Variants in ZDHHC4 observed in about 807,000 individuals in gnomAD.
ZDHHC4 encodes zDHHC palmitoyltransferase 4.
ZDHHC4 carries 42 observed loss-of-function variants against 36.7 expected under a neutral mutation model. The observed-to-expected ratio is 1.14, with a 90% CI of 0.89 to 1.48. The LOEUF (loss-of-function observed/expected upper bound fraction) is 1.48, where lower values mean the gene tolerates loss of function less well. Ranked by LOEUF, ZDHHC4 falls within the 40% of genes most tolerant of loss-of-function variation. The pLI is 0.00. For synonymous variants in ZDHHC4, 189 were observed against 166.6 expected, an observed-to-expected ratio of 1.13 and a Z score of -1.03; for missense variants, 457 against 421.5, an observed-to-expected ratio of 1.08 and a Z score of -0.74.
chr7:6,589,030 C>T lies in ZDHHC4; in HGVS notation c.*120C>T. On this transcript the variant is annotated 3_prime_UTR_variant, in exon 8 of 8. Coordinates refer to ENST00000335965, the MANE Select transcript of ZDHHC4 (RefSeq NM_001134389.2). ...GTGCTTATAAATCACTTTCGGTGGGCAAGGGAGAGAGGGGAAAATGGGTGT... is the reference window on the plus strand; with the variant it reads ...GTGCTTATAAATCACTTTCGGTGGGTAAGGGAGAGAGGGGAAAATGGGTGT... 7.6e-7 allele frequency: 1 copy of T among 1,318,950 alleles called. No individual in the cohort carries two copies. The highest frequency in any genetic ancestry group is 1.5e-5 in the African/African-American group (1 of 68,060). 81.7% of individuals were successfully genotyped at this position (1,318,950 alleles called of 1,614,324 possible).
intron 4 of ZDHHC4, 115 bp from the exon 5 acceptor site, chr7:6,581,958 C>A (rs1780881490): frequency 1.9e-6 from 2 of 1,043,082 alleles, no homozygotes; most frequent in Non-Finnish European, 2.8e-6. Context: ...CTATGTAATT[C>A]TTACTATTAT....
chr7:6,588,569 G>T (rs772662640), intron 7 of ZDHHC4, 48 bp from the exon 8 acceptor site: 2 of 1,588,544 alleles, frequency 1.3e-6, no homozygotes, highest in Admixed American at 3.4e-5. Flanking sequence ...CACTCTCATG[G>T]ATGTCACAGT....
chr7:6,587,548 G>C (rs1010508215), intron 7 of ZDHHC4, among the ~76,000 whole-genome samples: 1 of 152,166 alleles, frequency 6.6e-6, no homozygotes, highest in Non-Finnish European at 1.5e-5. Flanking sequence ...TACGGAGTCA[G>C]TTTTGTTTTT....
At chr7:6,587,705 C>T (rs951265368) in intron 7 of ZDHHC4, among the ~76,000 whole-genome samples, 1 of 152,152 alleles carries the variant, frequency 6.6e-6, no homozygotes, top group Non-Finnish European at 1.5e-5. Context: ...AGAGTTTACC[C>T]TTCCTGACGG....
chr7:6,587,334 T>C (rs955337272), intron 7 of ZDHHC4, among the ~76,000 whole-genome samples: 1 of 152,200 alleles, frequency 6.6e-6, no homozygotes, highest in Admixed American at 6.6e-5. Flanking sequence ...TTTTTTGGTA[T>C]AGAAAAGTTC....
Position 6,581,663 on chromosome 7 carries a change from T to C in ZDHHC4, c.174T>C (p.His58=). The C allele has an allele frequency of 1.2e-6, 2 of 1,608,922 alleles. No individual in the cohort carries two copies. The part of the protein sequence containing the change: ...CLQRAVHGLL[H]YLFHTRNHTF... ...AGAGAGCCGTGCATGGATTGCTTCATTACCTTTTCCATACGAGGTATTTCT... is the reference window on the plus strand; with the variant it reads ...AGAGAGCCGTGCATGGATTGCTTCACTACCTTTTCCATACGAGGTATTTCT... The change falls in exon 4 of 8, where the codon CAT becomes CAC. Residue 58 remains histidine, a synonymous_variant. Coordinates refer to ENST00000335965, the MANE Select transcript of ZDHHC4 (RefSeq NM_001134389.2).
Position 6,588,598 on chromosome 7 carries a change from A to G in ZDHHC4, c.742-19A>G. ...TCACAGTCCAGCTGCCTAAAGCACT[A>G]CCTTTTCTCTGCTCCTAGTACCTGT... is the stretch of plus-strand genomic sequence containing the variant. On this transcript the variant is annotated intron_variant, in intron 7 of 7. Transcript: ENST00000335965. 1 of 1,612,172 alleles carries G rather than the reference A, an allele frequency of 6.2e-7. No homozygotes were observed. The highest frequency in any genetic ancestry group is 8.5e-7 in the Non-Finnish European group (1 of 1,178,878).
At chr7:6,583,217 A>G in intron 5 of ZDHHC4, 89 bp from the exon 6 acceptor site, 1 of 1,360,160 alleles carries the variant, frequency 7.4e-7, no homozygotes, top group Non-Finnish European at 1.0e-6. Flanking sequence ...TAAAGATAGC[A>G]GTTTCAGTTG....
Position 6,583,289 on chromosome 7 carries a change from G to A in ZDHHC4, c.371-17G>A. 6.2e-7 allele frequency: 1 copy of A among 1,612,916 alleles called. No homozygotes were observed. Among genetic ancestry groups the A allele is most frequent in the Non-Finnish European group, 8.5e-7 (1 of 1,179,452 alleles). On this transcript the variant is annotated splice_polypyrimidine_tract_variant and intron_variant, in intron 5 of 7. Transcript: ENST00000335965. The stretch of plus-strand genomic sequence containing the variant: ...AAAGTATTGCACGAAACTGACATAT[G>A]TCCTTACTTTTCCCAGGCATTATAA...
intron 7 of ZDHHC4, among the ~76,000 whole-genome samples, chr7:6,585,952 ACCAGCCTGG>A (rs997895102): frequency 1.9e-4 from 29 of 152,178 alleles, no homozygotes; most frequent in African/African-American, 7.0e-4. Flanking sequence ...GGAGTTCAAG[ACCAGCCTGG>A]CCAATGTGGT....
intron 6 of ZDHHC4, chr7:6,584,442 A>G (rs1350209973): frequency 1.3e-5 from 2 of 152,604 alleles, no homozygotes; most frequent in Middle Eastern, 3.4e-3. Flanking sequence ...CCATGTCTAC[A>G]TTGACATAAT....
At chr7:6,587,046 A>C (rs911079345) in intron 7 of ZDHHC4, among the ~76,000 whole-genome samples, 3 of 150,376 alleles carry the variant, frequency 2.0e-5, no homozygotes, top group African/African-American at 7.3e-5. Flanking sequence ...GTCATATGGT[A>C]ACTTTTTTTT....
At chr7:6,579,351 C>T (rs978271062) in intron 2 of ZDHHC4, among the ~76,000 whole-genome samples, 3 of 152,092 alleles carry the variant, frequency 2.0e-5, no homozygotes, top group African/African-American at 7.2e-5. Context: ...CAGGCATGTG[C>T]CACCACGCCC....
At chr7:6,586,956 A>G (rs1381074508) in intron 7 of ZDHHC4, among the ~76,000 whole-genome samples, 1 of 152,124 alleles carries the variant, frequency 6.6e-6, no homozygotes, top group East Asian at 1.9e-4. Context: ...ATGTTTATAA[A>G]ACATGTTTTA....
chr7:6,581,447 A>G (rs1220301128), intron 3 of ZDHHC4, among the ~76,000 whole-genome samples, 160 bp from the exon 4 acceptor site: 1 of 152,198 alleles, frequency 6.6e-6, no homozygotes, highest in Non-Finnish European at 1.5e-5. Flanking sequence ...CAGTAGAAAG[A>G]ATTCCCCTCT....
intron 5 of ZDHHC4, 129 bp downstream of exon 5, chr7:6,582,380 C>T: frequency 1.1e-6 from 1 of 917,082 alleles, no homozygotes; most frequent in Non-Finnish European, 1.6e-6. Context: ...CATTACCTTT[C>T]AGTTTTGAGT....
At chr7:6,585,369 A>C in intron 7 of ZDHHC4, 109 bp downstream of exon 7, 1 of 1,453,264 alleles carries the variant, frequency 6.9e-7, no homozygotes, top group African/African-American at 1.4e-5. Context: ...CACGCCTATA[A>C]TCCCAGCACT....
At chr7:6,588,281 C>T (rs1284828786) in intron 7 of ZDHHC4, among the ~76,000 whole-genome samples, 3 of 152,226 alleles carry the variant, frequency 2.0e-5, no homozygotes, top group Non-Finnish European at 4.4e-5. Flanking sequence ...TTAAGAAAGA[C>T]ATTGATCTCT....
intron 7 of ZDHHC4, among the ~76,000 whole-genome samples, chr7:6,586,542 C>T (rs1781257758): frequency 6.6e-6 from 1 of 152,146 alleles, no homozygotes; most frequent in African/African-American, 2.4e-5. Flanking sequence ...ATGGTGTGAT[C>T]TTGGCTCACT....
Sources: allele counts gnomAD v4.1 joint callset (sites outside exome capture counted in the v4.1 genomes callset), GRCh38; gene constraint gnomAD v4.1.1; transcripts MANE v1.5; gene names NCBI Gene and HGNC (gene_info 2026-07-23, HGNC 2026-07-21).